ADTRP: variants seen among roughly 807,000 people sequenced by gnomAD.
The protein encoded by ADTRP is androgen-dependent TFPI-regulating protein.
Under a neutral mutation model 27.0 loss-of-function variants are expected in ADTRP, and 20 were observed. That is an observed-to-expected ratio of 0.74 (90% confidence interval 0.52 to 1.08). The LOEUF is 1.08. Among genes scored for constraint, ADTRP ranks in the 50% least tolerant of loss-of-function variants. ADTRP has a pLI of 0.00. For synonymous variants in ADTRP, 101 were observed against 105.2 expected (o/e 0.96, Z 0.25); for missense variants, 251 against 275.0 (o/e 0.91, Z 0.62).
At chr6:11,770,908 C>T (rs1203239899) in intron 1 of ADTRP, among the ~76,000 whole-genome samples, 1 of 152,170 alleles carries the variant, frequency 6.6e-6, no homozygotes, top group African/African-American at 2.4e-5. Flanking sequence ...AAGAGGCCTG[C>T]GCTGTTCTAT....
chr6:11,714,519 A>G lies in ADTRP; in HGVS notation c.659-7T>C, dbSNP rs747818835. 8.7e-5 allele frequency: 141 copies of G among 1,612,760 alleles called. No homozygotes were observed. The highest frequency in any genetic ancestry group is 1.2e-4 in the Non-Finnish European group (136 of 1,179,678). ...CGTGGCTGCCTCATGTCACCTGTACAAACAAGAACAGAGACAGACCTCAGG... is the reference window on the plus strand; with the variant it reads ...CGTGGCTGCCTCATGTCACCTGTACGAACAAGAACAGAGACAGACCTCAGG... On this transcript the variant is annotated splice_polypyrimidine_tract_variant and splice_region_variant and intron_variant, in intron 5 of 5. Transcript: ENST00000414691.
At chr6:11,747,417 G>T (rs1762901033) in intron 3 of ADTRP, among the ~76,000 whole-genome samples, 1 of 152,158 alleles carries the variant, frequency 6.6e-6, no homozygotes, top group Non-Finnish European at 1.5e-5. Flanking sequence ...TTTGTGTAGG[G>T]CACTTTAGCT....
chr6:11,729,106 TATC>T (rs1762304992), intron 4 of ADTRP, among the ~76,000 whole-genome samples: 1 of 152,182 alleles, frequency 6.6e-6, no homozygotes, highest in Non-Finnish European at 1.5e-5. Flanking sequence ...TTCTGCGTCT[TATC>T]AGTAGAGAAA....
intron 3 of ADTRP, among the ~76,000 whole-genome samples, chr6:11,763,972 A>G (rs2235391): frequency 0.13 from 20,348 of 152,214 alleles, 1,803 homozygotes; most frequent in East Asian, 0.49. Flanking sequence ...ACTAAGAGAA[A>G]CACAGAAACA....
Position 11,721,240 on chromosome 6 carries a change from C to T in ADTRP, c.658+2109G>A, listed in dbSNP as rs1032750119. Among the ~76,000 whole-genome samples, 169 of 152,216 alleles carry T rather than the reference C, an allele frequency of 1.1e-3. 2 individuals are homozygous for T. Among genetic ancestry groups the T allele is most frequent in the African/African-American group, 3.9e-3 (164 of 41,528 alleles). On this transcript the variant is annotated intron_variant, in intron 5 of 5. Transcript: ENST00000414691. ...TGGAGGAGACACAGAATCCCGTGGACGTAAGAAACAACATCAACGTGGAGG... is the reference window on the plus strand; with the variant it reads ...TGGAGGAGACACAGAATCCCGTGGATGTAAGAAACAACATCAACGTGGAGG...
chr6:11,769,988 A>G, intron 1 of ADTRP: 2 of 1,546,112 alleles, frequency 1.3e-6, no homozygotes, highest in Non-Finnish European at 1.8e-6. Context: ...TCCTATCATT[A>G]GACTCCCCCG....
In ADTRP at chr6:11,770,101, T is replaced by TA. The variant is rs148298172; in HGVS notation, c.154-1719dup. On this transcript the variant is annotated intron_variant, in intron 1 of 5. Transcript: ENST00000414691. ...GTTCTTGAGCTAGACTTCGAAAAAATAAAAAAAATTATCAGGTTTCTGAGC... is the reference window on the plus strand; with the variant it reads ...GTTCTTGAGCTAGACTTCGAAAAAATAAAAAAAAATTATCAGGTTTCTGAGC... 2,921 of 1,550,094 alleles carry TA rather than the reference T, an allele frequency of 1.9e-3. 51 individuals carry two copies. In the African/African-American group the frequency reaches 0.035, roughly 18 times the overall value.
At chr6:11,770,199 T>C in intron 1 of ADTRP, 1 of 948,332 alleles carries the variant, frequency 1.1e-6, no homozygotes, top group South Asian at 1.4e-5. Context: ...GAACGACCAC[T>C]TCACAAACCA....
intron 5 of ADTRP, chr6:11,717,530 T>C: frequency 8.9e-7 from 1 of 1,125,600 alleles, no homozygotes; most frequent in Non-Finnish European, 1.1e-6. Context: ...AACATAGTAT[T>C]CTCAAAGATT....
intron 4 of ADTRP, among the ~76,000 whole-genome samples, chr6:11,734,784 G>A (rs1222749938): frequency 6.6e-6 from 1 of 152,206 alleles, no homozygotes; most frequent in African/African-American, 2.4e-5. Context: ...ATAGGGATCG[G>A]AGGGTTGTCC....
intron 5 of ADTRP, among the ~76,000 whole-genome samples, chr6:11,719,828 C>T (rs955986725): frequency 6.6e-6 from 1 of 152,206 alleles, no homozygotes; most frequent in African/African-American, 2.4e-5. Context: ...AGCTGGGAAA[C>T]TGGTAATTTA....
At position 11,714,370 on chromosome 6, in the gene ADTRP, T is replaced by C. The variant is rs1178059966; in HGVS notation, c.*108A>G. ...TTTAAGTATCACTCTCTGTCCCTCC[T>C]ACTTTGCTATGTTCCTCCACCACCT... On this transcript the variant is annotated 3_prime_UTR_variant, in exon 6 of 6. Transcript: ENST00000414691. 7.9e-7 allele frequency: 1 copy of C among 1,272,652 alleles called. No homozygotes were observed. The highest frequency in any genetic ancestry group is 1.5e-5 in the African/African-American group (1 of 65,110). The allele number at this position is 1,272,652 out of a possible 1,614,324, so 78.8% of individuals were successfully genotyped here.
At chr6:11,714,835 C>T (rs1196929269) in intron 5 of ADTRP, among the ~76,000 whole-genome samples, 1 of 152,182 alleles carries the variant, frequency 6.6e-6, no homozygotes, top group East Asian at 1.9e-4. Flanking sequence ...TACACACAAT[C>T]CATCAGCAAA....
intron 3 of ADTRP, among the ~76,000 whole-genome samples, chr6:11,740,433 G>A (rs915236148): frequency 6.6e-6 from 1 of 151,866 alleles, no homozygotes; most frequent in African/African-American, 2.4e-5. Context: ...AATCTCTTTG[G>A]GGAAAACACA....
At chr6:11,738,115 T>G (rs1490512014) in intron 3 of ADTRP, among the ~76,000 whole-genome samples, 2 of 152,190 alleles carry the variant, frequency 1.3e-5, no homozygotes, top group East Asian at 3.9e-4. Context: ...CCTGGAGAGC[T>G]TCAGTGAGCA....
chr6:11,766,747 G>A (rs1411960227), intron 2 of ADTRP, among the ~76,000 whole-genome samples: 1 of 152,156 alleles, frequency 6.6e-6, no homozygotes, highest in Non-Finnish European at 1.5e-5. Flanking sequence ...GGCACATGGA[G>A]TAGCTTGAGT....
At chr6:11,768,921 G>A (rs574699080) in intron 1 of ADTRP, among the ~76,000 whole-genome samples, 4 of 152,140 alleles carry the variant, frequency 2.6e-5, no homozygotes, top group East Asian at 1.9e-4. Flanking sequence ...AAGAAGAGCC[G>A]GTGCACTTTC....
intron 4 of ADTRP, among the ~76,000 whole-genome samples, chr6:11,733,882 A>G (rs1762463008): frequency 2.6e-5 from 4 of 152,166 alleles, no homozygotes. Context: ...TTCCCCAATA[A>G]CAGCAGTGGC....
intron 4 of ADTRP, among the ~76,000 whole-genome samples, chr6:11,726,896 C>A (rs1000980237): frequency 7.9e-5 from 12 of 152,288 alleles, no homozygotes; most frequent in Middle Eastern, 3.4e-3. Context: ...GTAGGGTTGG[C>A]ATTTAGTTCC....
Sources: gnomAD v4.1 joint callset for allele counts (sites outside exome capture counted in the v4.1 genomes callset) on GRCh38, gnomAD v4.1.1 for gene constraint, MANE v1.5 for transcripts, NCBI Gene and HGNC (gene_info 2026-07-23, HGNC 2026-07-21) for gene names.